GADL1: variants seen among roughly 807,000 people sequenced by gnomAD.
GADL1 encodes the protein GAD like acidic amino acid decarboxylase 1.
In GADL1, 71 loss-of-function variants were observed where a neutral mutation model predicts 69.5. The observed-to-expected ratio is 1.02, with a 90% CI of 0.84 to 1.25. The LOEUF (loss-of-function observed/expected upper bound fraction) is 1.25, where lower values mean the gene tolerates loss of function less well. GADL1 is among the 50% of genes most tolerant of loss of function. The pLI, the probability that GADL1 is intolerant of heterozygous loss-of-function variation, is 0.00. For synonymous variants in GADL1, 254 were observed against 214.4 expected (o/e 1.18, Z -1.62); for missense variants, 737 against 631.8 (o/e 1.17, Z -1.79).
chr3:30,787,571 A>T (rs543084463), intron 12 of GADL1, among the ~76,000 whole-genome samples: 2 of 152,312 alleles, frequency 1.3e-5, no homozygotes, highest in Admixed American at 6.5e-5. Context: ...CAGAGCATTT[A>T]TTGTGATTTT....
intron 14 of GADL1, among the ~76,000 whole-genome samples, chr3:30,765,756 T>TC (rs944741120): frequency 6.6e-6 from 1 of 152,190 alleles, no homozygotes; most frequent in African/African-American, 2.4e-5. Flanking sequence ...TGACACATTG[T>TC]CCCCACCTTC....
At chr3:30,843,615 G>A (rs1219499387) in intron 8 of GADL1, among the ~76,000 whole-genome samples, 1 of 152,192 alleles carries the variant, frequency 6.6e-6, no homozygotes, top group African/African-American at 2.4e-5. Context: ...AGCACAGCAG[G>A]TGCCCAGAGC....
At chr3:30,734,900 G>C (rs1210157068) in intron 14 of GADL1, among the ~76,000 whole-genome samples, 1 of 152,092 alleles carries the variant, frequency 6.6e-6, no homozygotes, top group Non-Finnish European at 1.5e-5. Context: ...ACCAGTACTT[G>C]ACAGACAAGT....
At chr3:30,857,652 A>G (rs974623647) in intron 2 of GADL1, among the ~76,000 whole-genome samples, 5 of 151,824 alleles carry the variant, frequency 3.3e-5, no homozygotes, top group Non-Finnish European at 7.4e-5. Flanking sequence ...GATCCTCCTA[A>G]ACTTAAGCCA....
In GADL1 at chr3:30,808,497, CA is replaced by C. The variant is rs58653600; in HGVS notation, c.1051-7410del. Among the ~76,000 whole-genome samples, 314 of 140,280 alleles carry C rather than the reference CA, an allele frequency of 2.2e-3. 3 individuals carry two copies. The highest frequency in any genetic ancestry group is 5.1e-3 in the African/African-American group (196 of 38,338). 92.0% of individuals were successfully genotyped at this position (140,280 alleles called of 152,430 possible). A position where few individuals can be genotyped will look rare whatever the true frequency, so the allele number is the denominator to read the frequency against. ...TGGGCGACAGAGCAGGACTCTATCT[CA>C]AAAAAAAAAAAAATGAGGATATCAT... On this transcript the variant is annotated intron_variant, in intron 11 of 14. Coordinates refer to ENST00000282538, the MANE Select transcript of GADL1 (RefSeq NM_207359.3).
chr3:30,747,144 C>G (rs993509491), intron 14 of GADL1, among the ~76,000 whole-genome samples: 1 of 152,164 alleles, frequency 6.6e-6, no homozygotes, highest in Non-Finnish European at 1.5e-5. Context: ...GTGATTTGCA[C>G]ATGAAGCATT....
intron 11 of GADL1, among the ~76,000 whole-genome samples, chr3:30,803,475 G>C (rs1205362274): frequency 6.7e-6 from 1 of 150,100 alleles, no homozygotes; most frequent in Admixed American, 6.6e-5. Context: ...CAAAGCAAAC[G>C]AACTTTGGAC....
chr3:30,785,386 T>TC (rs1453923453), intron 13 of GADL1, among the ~76,000 whole-genome samples: 1 of 146,898 alleles, frequency 6.8e-6, no homozygotes, highest in African/African-American at 2.6e-5. Flanking sequence ...CTTTTTCTTT[T>TC]TTTTTTTTTC....
At chr3:30,891,920 G>T (rs926075153) in intron 1 of GADL1, among the ~76,000 whole-genome samples, 3 of 151,678 alleles carry the variant, frequency 2.0e-5, no homozygotes, top group African/African-American at 4.8e-5. Flanking sequence ...ATTACAACAT[G>T]CCAGTCTTAT....
intron 1 of GADL1, among the ~76,000 whole-genome samples, chr3:30,891,574 G>A (rs992975754): frequency 3.3e-5 from 5 of 151,890 alleles, no homozygotes; most frequent in South Asian, 2.1e-4. Flanking sequence ...GTAGGGGTGC[G>A]GGACTCTGGA....
chr3:30,808,569 G>A (rs757789985), intron 11 of GADL1, among the ~76,000 whole-genome samples: 1 of 151,848 alleles, frequency 6.6e-6, no homozygotes, highest in East Asian at 1.9e-4. Context: ...AATACAAAGC[G>A]TCTGTGTAAA....
chr3:30,838,195 AT>A (rs1449617878), intron 9 of GADL1, among the ~76,000 whole-genome samples: 1 of 152,100 alleles, frequency 6.6e-6, no homozygotes, highest in Non-Finnish European at 1.5e-5. Flanking sequence ...ACCATGTGCA[AT>A]TGTCTCTTTG....
chr3:30,773,283 AT>A (rs1189992918), intron 14 of GADL1, among the ~76,000 whole-genome samples: 3 of 152,030 alleles, frequency 2.0e-5, no homozygotes, highest in Admixed American at 1.3e-4. Flanking sequence ...ATTAATGCTT[AT>A]TTTTTTCTGG....
chr3:30,784,059 TAA>T (rs938372033), intron 13 of GADL1, among the ~76,000 whole-genome samples: 1 of 152,110 alleles, frequency 6.6e-6, no homozygotes, highest in African/African-American at 2.4e-5. Flanking sequence ...CGAGAAAATA[TAA>T]AGTGATCAAA....
At position 30,802,617 on chromosome 3, in the gene GADL1, T is replaced by A. The variant is rs77949791; in HGVS notation, c.1051-1529A>T. On this transcript the variant is annotated intron_variant, in intron 11 of 14. Transcript: ENST00000282538. ...TGAATGAAAAGGAAATCTCAAGATA[T>A]CACATTTCAAATGAAAGCATAAGTT... Among the ~76,000 whole-genome samples the A allele has an allele frequency of 3.2e-3, 486 of 152,322 alleles. 3 individuals are homozygous for A. The highest frequency in any genetic ancestry group is 0.011 in the African/African-American group (455 of 41,556).
At chr3:30,808,613 C>CT (rs1360677811) in intron 11 of GADL1, among the ~76,000 whole-genome samples, 1 of 152,092 alleles carries the variant, frequency 6.6e-6, no homozygotes, top group African/African-American at 2.4e-5. Flanking sequence ...AACCAGCAGA[C>CT]TATTTGGATG....
intron 14 of GADL1, among the ~76,000 whole-genome samples, chr3:30,751,958 AAAG>A (rs1272962912): frequency 3.3e-5 from 5 of 151,794 alleles, no homozygotes; most frequent in South Asian, 4.2e-4. Flanking sequence ...CTGAAGATGA[AAAG>A]AACAACAGCA....
chr3:30,773,978 A>AT (rs1246454057), intron 14 of GADL1, among the ~76,000 whole-genome samples: 1 of 152,110 alleles, frequency 6.6e-6, no homozygotes, highest in African/African-American at 2.4e-5. Context: ...CCAGTACCCA[A>AT]TTTCCAGTGT....
intron 14 of GADL1, among the ~76,000 whole-genome samples, chr3:30,750,485 A>G (rs893465943): frequency 1.2e-4 from 18 of 152,168 alleles, no homozygotes; most frequent in Non-Finnish European, 2.4e-4. Flanking sequence ...CCAAAACACC[A>G]GGTCTACCGA....
Sources: gnomAD v4.1 joint callset for allele counts (sites outside exome capture counted in the v4.1 genomes callset) on GRCh38, gnomAD v4.1.1 for gene constraint, MANE v1.5 for transcripts, NCBI Gene and HGNC (gene_info 2026-07-23, HGNC 2026-07-21) for gene names.